KAT2B: variants seen among roughly 807,000 people sequenced by gnomAD.
KAT2B encodes lysine acetyltransferase 2B, also known as histone acetyltransferase KAT2B.
KAT2B carries 36 observed loss-of-function variants against 105.9 expected under a neutral mutation model. The observed-to-expected ratio is 0.34, with a 90% CI of 0.26 to 0.45. The LOEUF (loss-of-function observed/expected upper bound fraction) is 0.45, where lower values mean the gene tolerates loss of function less well. Among genes scored for constraint, KAT2B ranks in the 20% least tolerant of loss-of-function variants. The probability of loss-of-function intolerance (pLI) is 1.00; values close to 1 mark genes in which losing one functional copy is unlikely to be tolerated. For missense variants in KAT2B, 820 were observed against 1,021.6 expected, an observed-to-expected ratio of 0.80 and a Z score of 2.69; for synonymous variants, 397 against 377.9, an observed-to-expected ratio of 1.05 and a Z score of -0.59.
Position 20,148,387 on chromosome 3 carries a change from T to G in KAT2B, c.2221-16T>G, listed in dbSNP as rs376186546. On this transcript the variant is annotated splice_polypyrimidine_tract_variant and intron_variant, in intron 16 of 17. Transcript: ENST00000263754. Reference sequence around the variant, plus strand: ...GAATTTCCATATTAGATACCTTACTTTTTTCTTTACCCAAGAGCCATCAAA... The same window carrying G: ...GAATTTCCATATTAGATACCTTACTGTTTTCTTTACCCAAGAGCCATCAAA... 1 of 1,610,240 alleles carries G rather than the reference T, an allele frequency of 6.2e-7. No homozygotes were observed. The highest frequency in any genetic ancestry group is 8.5e-7 in the Non-Finnish European group (1 of 1,178,606).
intron 1 of KAT2B, among the ~76,000 whole-genome samples, chr3:20,071,265 G>A (rs1489667875): frequency 6.6e-6 from 1 of 152,194 alleles, no homozygotes; most frequent in Non-Finnish European, 1.5e-5. Context: ...CATGTGGCCA[G>A]AGGCTACCGT....
At chr3:20,151,772 C>A (rs756073591) in intron 17 of KAT2B, among the ~76,000 whole-genome samples, 1 of 152,028 alleles carries the variant, frequency 6.6e-6, no homozygotes, top group Non-Finnish European at 1.5e-5. Context: ...GTTTGTTATT[C>A]TTATTTCATT....
At position 20,126,127 on chromosome 3, in the gene KAT2B, T is replaced by C. The variant is rs1298880048; in HGVS notation, c.1622+14T>C. The C allele has an allele frequency of 6.4e-7, 1 of 1,562,146 alleles. No homozygotes were observed. Among genetic ancestry groups the C allele is most frequent in the East Asian group, 2.3e-5 (1 of 42,576 alleles). On this transcript the variant is annotated intron_variant, in intron 10 of 17. Coordinates refer to ENST00000263754, the MANE Select transcript of KAT2B (RefSeq NM_003884.5). The stretch of plus-strand genomic sequence containing the variant: ...CGTCTTTGACCCGTAAGTGGTACTT[T>C]CTGTTCCTTCTTCCTTATTTCCTTT...
chr3:20,041,179 C>A (rs934336381), intron 1 of KAT2B, among the ~76,000 whole-genome samples: 1 of 152,056 alleles, frequency 6.6e-6, no homozygotes, highest in Non-Finnish European at 1.5e-5. Context: ...CTGAGTGGTC[C>A]CTTCTGCAAT....
intron 11 of KAT2B, among the ~76,000 whole-genome samples, chr3:20,134,028 C>A (rs1347143483): frequency 6.6e-6 from 1 of 150,702 alleles, no homozygotes; most frequent in Non-Finnish European, 1.5e-5. Context: ...GCAACTACAC[C>A]CCCCCTCACT....
At chr3:20,109,836 G>T (rs1225512795) in intron 5 of KAT2B, among the ~76,000 whole-genome samples, 2 of 151,980 alleles carry the variant, frequency 1.3e-5, no homozygotes, top group African/African-American at 4.8e-5. Context: ...AACAACATTT[G>T]GGTGTAAATT....
chr3:20,135,541 T>C (rs1699585863), intron 11 of KAT2B, among the ~76,000 whole-genome samples: 2 of 151,910 alleles, frequency 1.3e-5, no homozygotes, highest in African/African-American at 4.8e-5. Context: ...GTAGTCCCAG[T>C]TATTCGGGAG....
intron 11 of KAT2B, among the ~76,000 whole-genome samples, chr3:20,129,971 A>AATT (rs143451150): frequency 0.12 from 17,486 of 150,860 alleles, 1,259 homozygotes; most frequent in South Asian, 0.36. Flanking sequence ...CATTTTTTAA[A>AATT]ATTATTATTA....
intron 11 of KAT2B, among the ~76,000 whole-genome samples, chr3:20,127,964 C>T (rs747138172): frequency 8.5e-5 from 13 of 152,302 alleles, no homozygotes; most frequent in Middle Eastern, 6.8e-3. Context: ...CCACTCACCT[C>T]GTGCTGTGCA....
rs1284893409 is a variant in KAT2B at position 20,040,871 on chromosome 3, C to T, written c.303+91C>T. ...CCCTCCCGCTTCCACCTCCGCCTCC[C>T]GCCTCCTGCCTCTCGCCTCCCGCCT... On this transcript the variant is annotated intron_variant, in intron 1 of 17. Coordinates refer to ENST00000263754, the MANE Select transcript of KAT2B (RefSeq NM_003884.5). 8 of 1,380,536 alleles carry T rather than the reference C, an allele frequency of 5.8e-6. No individual in the cohort carries two copies. In the East Asian group the frequency reaches 8.8e-5, roughly 15 times the overall value. 85.5% of individuals were successfully genotyped at this position (1,380,536 alleles called of 1,614,324 possible). A position where few individuals can be genotyped will look rare whatever the true frequency, so the allele number is the denominator to read the frequency against.
chr3:20,126,291 C>G (rs1699402384), intron 10 of KAT2B, among the ~76,000 whole-genome samples, 178 bp downstream of exon 10: 1 of 152,124 alleles, frequency 6.6e-6, no homozygotes, highest in Non-Finnish European at 1.5e-5. Context: ...TAATTTTCAA[C>G]AATTTACAAA....
At chr3:20,110,004 G>A (rs1372509330) in intron 5 of KAT2B, among the ~76,000 whole-genome samples, 1 of 151,808 alleles carries the variant, frequency 6.6e-6, no homozygotes, top group East Asian at 1.9e-4. Flanking sequence ...CACACATACA[G>A]GCAAAATATT....
rs1559510919 is a variant in KAT2B at position 20,052,258 on chromosome 3, C to T, written c.303+11478C>T. Among the ~76,000 whole-genome samples the T allele has an allele frequency of 4.6e-5, 7 of 152,316 alleles. No individual in the cohort carries two copies. The South Asian group carries it at 1.5e-3, about 32-fold the overall frequency. ...TATCTTGTTTTGTTTTCCTTTACTG[C>T]ACTTCTTAATATTTGGAAATTATGT... On this transcript the variant is annotated intron_variant, in intron 1 of 17. Coordinates refer to ENST00000263754, the MANE Select transcript of KAT2B (RefSeq NM_003884.5).
At chr3:20,061,829 A>G (rs941678424) in intron 1 of KAT2B, among the ~76,000 whole-genome samples, 2 of 86,678 alleles carry the variant, frequency 2.3e-5, no homozygotes, top group African/African-American at 7.5e-5. Flanking sequence ...AGTATATAAT[A>G]TATAATATAC....
intron 11 of KAT2B, among the ~76,000 whole-genome samples, chr3:20,135,269 T>A (rs1699580502): frequency 6.6e-6 from 1 of 152,250 alleles, no homozygotes; most frequent in Non-Finnish European, 1.5e-5. Flanking sequence ...GATACTGTTC[T>A]GTTTACTAGA....
At chr3:20,091,600 T>A (rs939691294) in intron 2 of KAT2B, among the ~76,000 whole-genome samples, 11 of 152,156 alleles carry the variant, frequency 7.2e-5, no homozygotes, top group African/African-American at 2.7e-4. Context: ...ATTTGAGATC[T>A]TTTTTCTTTT....
intron 17 of KAT2B, among the ~76,000 whole-genome samples, chr3:20,151,953 C>G (rs1041696021): frequency 6.6e-6 from 1 of 152,080 alleles, no homozygotes; most frequent in African/African-American, 2.4e-5. Context: ...TACAAACGTT[C>G]CACCTGCTCT....
chr3:20,094,864 A>G (rs1403976991), intron 2 of KAT2B, among the ~76,000 whole-genome samples: 1 of 152,136 alleles, frequency 6.6e-6, no homozygotes, highest in African/African-American at 2.4e-5. Flanking sequence ...TGAACCACCA[A>G]CTTACAAGTC....
chr3:20,055,640 G>A (rs1353029297), intron 1 of KAT2B, among the ~76,000 whole-genome samples: 1 of 152,098 alleles, frequency 6.6e-6, no homozygotes, highest in Non-Finnish European at 1.5e-5. Context: ...GGGTGGGGTG[G>A]GGGGTATGAG....
Sources: allele counts gnomAD v4.1 joint callset (sites outside exome capture counted in the v4.1 genomes callset), GRCh38; gene constraint gnomAD v4.1.1; transcripts MANE v1.5; gene names NCBI Gene and HGNC (gene_info 2026-07-23, HGNC 2026-07-21).